SYN3: variants seen among roughly 807,000 people sequenced by gnomAD.
SYN3 encodes the protein synapsin-3.
SYN3 carries 35 observed loss-of-function variants against 65.8 expected under a neutral mutation model. That is an observed-to-expected ratio of 0.53 (90% confidence interval 0.41 to 0.70). SYN3 has a LOEUF of 0.70. Ranked by LOEUF, SYN3 falls within the 30% of genes least tolerant of loss-of-function variation. The pLI is 0.00. For synonymous variants in SYN3, 270 were observed against 292.9 expected, an observed-to-expected ratio of 0.92 and a Z score of 0.80; for missense variants, 680 against 749.0, an observed-to-expected ratio of 0.91 and a Z score of 1.08.
chr22:32,710,395 C>T (rs1417457026), intron 6 of SYN3, among the ~76,000 whole-genome samples: 2 of 151,382 alleles, frequency 1.3e-5, no homozygotes, highest in Non-Finnish European at 2.9e-5. Context: ...GTTTGGGAGG[C>T]CAAGGAGGGT....
chr22:32,541,812 C>T (rs1169013866), intron 7 of SYN3, 99 bp from the exon 8 acceptor site: 10 of 1,392,516 alleles, frequency 7.2e-6, no homozygotes, highest in Non-Finnish European at 9.7e-6. Flanking sequence ...CACGAATTCC[C>T]TTCAGAAGGT....
intron 2 of SYN3, among the ~76,000 whole-genome samples, chr22:33,005,983 T>A (rs133944): frequency 0.45 from 67,831 of 152,062 alleles, 15,445 homozygotes; most frequent in Middle Eastern, 0.54. Context: ...ATTCAGATGC[T>A]TGCAGCAAAT....
At chr22:33,011,830 G>C (rs185154905) in intron 1 of SYN3, among the ~76,000 whole-genome samples, 6 of 151,924 alleles carry the variant, frequency 3.9e-5, no homozygotes, top group Non-Finnish European at 8.8e-5. Context: ...ATTTCATCTT[G>C]GTTGTGAAAC....
At chr22:32,987,862 G>A (rs1454321078) in intron 2 of SYN3, among the ~76,000 whole-genome samples, 1 of 152,164 alleles carries the variant, frequency 6.6e-6, no homozygotes, top group Non-Finnish European at 1.5e-5. Context: ...CTTGTTCTTG[G>A]AGAGCTTACA....
intron 7 of SYN3, among the ~76,000 whole-genome samples, chr22:32,566,873 A>G (rs1372429837): frequency 6.6e-6 from 1 of 152,204 alleles, no homozygotes; most frequent in Non-Finnish European, 1.5e-5. Context: ...AGAAACGGAC[A>G]GGTAGCCAAG....
At position 32,803,751 on chromosome 22, in the gene SYN3, C is replaced by T. The variant is rs577013250; in HGVS notation, c.711+61164G>A. Among the ~76,000 whole-genome samples, 12 of 152,302 alleles carry T rather than the reference C, an allele frequency of 7.9e-5. No homozygotes were observed. In the East Asian group the frequency reaches 1.4e-3, roughly 17 times the overall value. ...TTTGCCCAGCAGGATCACACACGTG[C>T]GGCCAGGAGGCTGGCAGGTGGAATC... On this transcript the variant is annotated intron_variant, in intron 6 of 13. Coordinates refer to ENST00000358763, the MANE Select transcript of SYN3 (RefSeq NM_003490.4).
rs951381877 is a variant in SYN3 at position 32,807,976 on chromosome 22, T to A, written c.711+56939A>T. On this transcript the variant is annotated intron_variant, in intron 6 of 13. Coordinates refer to ENST00000358763, the MANE Select transcript of SYN3 (RefSeq NM_003490.4). ...AATTTTTATTGACTTACTGAGTGTT[T>A]TTTTTCCTTCTTTTTGTCTCTTTGA... is the stretch of plus-strand genomic sequence containing the variant. Among the ~76,000 whole-genome samples, 5 of 152,140 alleles carry A rather than the reference T, an allele frequency of 3.3e-5. No individual in the cohort carries two copies. The East Asian group carries it at 9.6e-4, about 29-fold the overall frequency.
At chr22:32,997,130 G>A (rs2052903933) in intron 2 of SYN3, among the ~76,000 whole-genome samples, 1 of 152,212 alleles carries the variant, frequency 6.6e-6, no homozygotes, top group African/African-American at 2.4e-5. Flanking sequence ...GCCTGAGCCA[G>A]GTCCCAGATG....
intron 6 of SYN3, among the ~76,000 whole-genome samples, chr22:32,657,047 C>CCCCT (rs1434390284): frequency 6.6e-6 from 1 of 152,140 alleles, no homozygotes; most frequent in East Asian, 1.9e-4. Context: ...CCCAGGCATC[C>CCCCT]CCCTCCCTAC....
intron 6 of SYN3, among the ~76,000 whole-genome samples, chr22:32,737,215 T>A (rs4821091): frequency 0.45 from 69,078 of 152,062 alleles, 16,048 homozygotes; most frequent in African/African-American, 0.57. Context: ...AAACAACCCA[T>A]GAGGTTAGGT....
chr22:32,970,604 T>C (rs1164822539), intron 3 of SYN3, among the ~76,000 whole-genome samples: 1 of 145,048 alleles, frequency 6.9e-6, no homozygotes, highest in Non-Finnish European at 1.5e-5. Context: ...AAGACAATAA[T>C]GAACATCAGC....
At chr22:32,778,205 T>A (rs1161900076) in intron 6 of SYN3, among the ~76,000 whole-genome samples, 1 of 152,230 alleles carries the variant, frequency 6.6e-6, no homozygotes. Context: ...CATTAACTTC[T>A]CAGTTTTCAT....
chr22:32,519,974 G>A (rs1455105873), intron 12 of SYN3, among the ~76,000 whole-genome samples: 1 of 152,098 alleles, frequency 6.6e-6, no homozygotes, highest in Non-Finnish European at 1.5e-5. Context: ...TGTGGGTTAG[G>A]CATTATTTTC....
At chr22:32,561,006 T>C (rs2058579041) in intron 7 of SYN3, among the ~76,000 whole-genome samples, 1 of 152,160 alleles carries the variant, frequency 6.6e-6, no homozygotes, top group Non-Finnish European at 1.5e-5. Flanking sequence ...TGGAGCATTT[T>C]GAAGGCGGAT....
In SYN3 at chr22:32,837,905, C is replaced by G. The variant is rs2047780587; in HGVS notation, c.711+27010G>C. ...CTGTCTCTCCAATGGGCTGGACTCT[C>G]CAGCCTCCGGGCCTCTGCCCAACCA... On this transcript the variant is annotated intron_variant, in intron 6 of 13. Transcript: ENST00000358763. The surrounding 1 kb of genome is among the most constrained non-coding windows in gnomAD (Gnocchi z 4.1). Among the ~76,000 whole-genome samples the G allele has an allele frequency of 6.6e-6, 1 of 152,208 alleles. No homozygotes were observed. Among genetic ancestry groups the G allele is most frequent in the African/African-American group, 2.4e-5 (1 of 41,454 alleles).
At chr22:32,804,070 C>T (rs772997912) in intron 6 of SYN3, among the ~76,000 whole-genome samples, 1 of 152,194 alleles carries the variant, frequency 6.6e-6, no homozygotes, top group Non-Finnish European at 1.5e-5. Flanking sequence ...ATAGCTCCCT[C>T]GCTCCTCTTC....
At chr22:32,926,902 T>C (rs1323332513) in intron 4 of SYN3, among the ~76,000 whole-genome samples, 1 of 152,194 alleles carries the variant, frequency 6.6e-6, no homozygotes, top group Non-Finnish European at 1.5e-5. Flanking sequence ...AAACCAAGCA[T>C]TCACTCTCTG....
intron 4 of SYN3, among the ~76,000 whole-genome samples, chr22:32,900,847 T>C (rs960980848): frequency 4.6e-5 from 7 of 152,250 alleles, no homozygotes; most frequent in Non-Finnish European, 1.0e-4. Flanking sequence ...ACTTTCCTAC[T>C]TATATTCTAA....
At chr22:32,813,626 C>T (rs2046976158) in intron 6 of SYN3, among the ~76,000 whole-genome samples, 1 of 151,756 alleles carries the variant, frequency 6.6e-6, no homozygotes, top group Non-Finnish European at 1.5e-5. Context: ...TCTAGAATCT[C>T]CTTTCAATTC....
Sources: gnomAD v4.1 joint callset for allele counts (sites outside exome capture counted in the v4.1 genomes callset) on GRCh38, gnomAD v4.1.1 for gene constraint, Gnocchi (gnomAD v3.1) non-coding constraint, MANE v1.5 for transcripts, NCBI Gene and HGNC (gene_info 2026-07-23, HGNC 2026-07-21) for gene names.